The following EXOC6B variants were observed in gnomAD, a reference collection of about 807,000 sequenced individuals.
EXOC6B encodes the protein exocyst complex component 6B.
In EXOC6B, 54 loss-of-function variants were observed where a neutral mutation model predicts 113.5. That is an observed-to-expected ratio of 0.48 (90% CI 0.38 to 0.60). EXOC6B has a LOEUF of 0.60. Among genes scored for constraint, EXOC6B ranks in the 20% least tolerant of loss-of-function variants. The pLI is 0.00. For synonymous variants in EXOC6B, 357 were observed against 339.0 expected (o/e 1.05, Z -0.58); for missense variants, 797 against 977.5 (o/e 0.82, Z 2.46).
chr2:72,539,763 C>CAT (rs1558775904), intron 8 of EXOC6B, among the ~76,000 whole-genome samples: 6 of 151,598 alleles, frequency 4.0e-5, no homozygotes, highest in Non-Finnish European at 8.8e-5. Flanking sequence ...CGCGCGCGCG[C>CAT]GTGTGTGTAG....
At chr2:72,505,416 T>G (rs186775316) in intron 11 of EXOC6B, among the ~76,000 whole-genome samples, 1 of 152,294 alleles carries the variant, frequency 6.6e-6, no homozygotes, top group African/African-American at 2.4e-5. Context: ...TGAAGGTCCA[T>G]TATCTATCCA....
intron 20 of EXOC6B, among the ~76,000 whole-genome samples, chr2:72,321,853 A>T (rs902678647): frequency 3.9e-5 from 6 of 152,196 alleles, no homozygotes; most frequent in Admixed American, 3.9e-4. Flanking sequence ...AAAGCTGTAT[A>T]TTTAAGAAGG....
chr2:72,604,016 G>C (rs1670599064), intron 6 of EXOC6B, among the ~76,000 whole-genome samples: 1 of 151,288 alleles, frequency 6.6e-6, no homozygotes, highest in South Asian at 2.1e-4. Context: ...TCATTTATAT[G>C]TTCCATAAAG....
intron 15 of EXOC6B, among the ~76,000 whole-genome samples, chr2:72,495,138 A>G (rs1414183085): frequency 6.6e-6 from 1 of 152,138 alleles, no homozygotes; most frequent in East Asian, 1.9e-4. Flanking sequence ...GATTACAAAA[A>G]TGAGCCACTG....
chr2:72,447,293 A>G (rs796387218), intron 18 of EXOC6B, among the ~76,000 whole-genome samples: 6 of 152,304 alleles, frequency 3.9e-5, no homozygotes, highest in African/African-American at 1.4e-4. Context: ...TCATTTTTGT[A>G]TCATTAAAAC....
At chr2:72,705,051 T>C (rs1469872228) in intron 6 of EXOC6B, among the ~76,000 whole-genome samples, 1 of 151,272 alleles carries the variant, frequency 6.6e-6, no homozygotes, top group Non-Finnish European at 1.5e-5. Flanking sequence ...ACCAATATCC[T>C]TGATGAACAT....
At chr2:72,284,252 C>A (rs1306628262) in intron 20 of EXOC6B, among the ~76,000 whole-genome samples, 1 of 152,028 alleles carries the variant, frequency 6.6e-6, no homozygotes, top group Non-Finnish European at 1.5e-5. Flanking sequence ...TCAAATCCAA[C>A]AATGTATAAA....
intron 1 of EXOC6B, among the ~76,000 whole-genome samples, chr2:72,745,806 T>A (rs187903291): frequency 1.4e-3 from 216 of 152,144 alleles, no homozygotes; most frequent in Middle Eastern, 6.8e-3. Context: ...AACATATCCA[T>A]CAGATATAAA....
intron 18 of EXOC6B, among the ~76,000 whole-genome samples, chr2:72,444,030 G>T (rs1259863951): frequency 2.0e-5 from 3 of 152,148 alleles, no homozygotes; most frequent in Non-Finnish European, 4.4e-5. Flanking sequence ...TTGAGACAAG[G>T]CAAGTCCCTT....
chr2:72,609,921 A>G (rs1475839787), intron 6 of EXOC6B, among the ~76,000 whole-genome samples: 1 of 152,180 alleles, frequency 6.6e-6, no homozygotes, highest in African/African-American at 2.4e-5. Context: ...GAATACAACT[A>G]ACATCAGAAA....
intron 18 of EXOC6B, among the ~76,000 whole-genome samples, chr2:72,391,962 T>C (rs1692413794): frequency 6.6e-6 from 1 of 152,242 alleles, no homozygotes; most frequent in Non-Finnish European, 1.5e-5. Flanking sequence ...TTGTTAAGTC[T>C]GTTTTTAAAC....
intron 6 of EXOC6B, among the ~76,000 whole-genome samples, chr2:72,673,340 A>G (rs1273312640): frequency 2.0e-5 from 3 of 152,218 alleles, no homozygotes; most frequent in Non-Finnish European, 4.4e-5. Flanking sequence ...ACTGAATGAA[A>G]GGCTATGATT....
chr2:72,637,256 T>C (rs1159013607), intron 6 of EXOC6B, among the ~76,000 whole-genome samples: 1 of 152,026 alleles, frequency 6.6e-6, no homozygotes, highest in Non-Finnish European at 1.5e-5. Context: ...CCAAAAGCAA[T>C]TGCAACAAAA....
At chr2:72,749,668 A>G (rs1003334825) in intron 1 of EXOC6B, among the ~76,000 whole-genome samples, 2 of 152,130 alleles carry the variant, frequency 1.3e-5, no homozygotes, top group South Asian at 2.1e-4. Context: ...GTATTGAAAC[A>G]TGATTCTACT....
intron 18 of EXOC6B, among the ~76,000 whole-genome samples, chr2:72,438,624 G>A (rs529618604): frequency 8.6e-5 from 13 of 151,762 alleles, no homozygotes; most frequent in African/African-American, 2.9e-4. Context: ...ACTATCTCTC[G>A]AGAAAAAAAA....
chr2:72,403,236 A>G (rs1693468688), intron 18 of EXOC6B, among the ~76,000 whole-genome samples: 2 of 152,160 alleles, frequency 1.3e-5, no homozygotes, highest in Non-Finnish European at 2.9e-5. Flanking sequence ...TTTTTGTTCC[A>G]CACACCTGTA....
intron 16 of EXOC6B, among the ~76,000 whole-genome samples, chr2:72,489,032 T>C (rs1699590762): frequency 6.6e-6 from 1 of 152,148 alleles, no homozygotes; most frequent in African/African-American, 2.4e-5. Context: ...CCAAGAACTT[T>C]CCTACCTTCA....
chr2:72,746,336 A>G (rs1681693040), intron 1 of EXOC6B, among the ~76,000 whole-genome samples: 1 of 152,118 alleles, frequency 6.6e-6, no homozygotes, highest in Non-Finnish European at 1.5e-5. Flanking sequence ...GAAATTAACT[A>G]AACTTTTTAT....
At chr2:72,204,811 G>A (rs184494284) in intron 20 of EXOC6B, among the ~76,000 whole-genome samples, 195 of 152,124 alleles carry the variant, frequency 1.3e-3, no homozygotes, top group Admixed American at 3.5e-3. Context: ...GGGGTGGGGG[G>A]AGTTAAAAAA....
Sources: gnomAD v4.1 joint callset for allele counts (sites outside exome capture counted in the v4.1 genomes callset) on GRCh38, gnomAD v4.1.1 for gene constraint, MANE v1.5 for transcripts, NCBI Gene and HGNC (gene_info 2026-07-23, HGNC 2026-07-21) for gene names.